TRABD2B: variants seen among roughly 807,000 people sequenced by gnomAD.
TRABD2B encodes the protein TraB domain containing 2B.
A neutral mutation model predicts 40.1 loss-of-function variants in TRABD2B; 14 were observed. The observed-to-expected ratio is 0.35, with a 90% CI of 0.23 to 0.55. The LOEUF (loss-of-function observed/expected upper bound fraction) is 0.55, where lower values mean the gene tolerates loss of function less well. Ranked by LOEUF, TRABD2B falls within the 20% of genes least tolerant of loss-of-function variation. TRABD2B has a pLI of 0.90. For missense variants in TRABD2B, 541 were observed against 648.6 expected (o/e 0.83, Z 1.80); for synonymous variants, 263 against 277.0 (o/e 0.95, Z 0.50).
chr1:47,963,256 C>T (rs982953237), intron 2 of TRABD2B, among the ~76,000 whole-genome samples: 1 of 152,216 alleles, frequency 6.6e-6, no homozygotes, highest in Non-Finnish European at 1.5e-5. Flanking sequence ...ATATTCAAGA[C>T]ATGCATGTTG....
chr1:47,895,350 G>T (rs1469661922), intron 2 of TRABD2B, among the ~76,000 whole-genome samples: 2 of 152,122 alleles, frequency 1.3e-5, no homozygotes, highest in South Asian at 4.1e-4. Context: ...AGCACTGAGC[G>T]AGCTGTGGGT....
At chr1:47,910,677 C>T (rs544504050) in intron 2 of TRABD2B, among the ~76,000 whole-genome samples, 3 of 152,306 alleles carry the variant, frequency 2.0e-5, no homozygotes, top group Admixed American at 1.3e-4. Context: ...GTATGCTGTG[C>T]GTCCTGGGCC....
intron 2 of TRABD2B, among the ~76,000 whole-genome samples, chr1:47,890,088 A>T (rs540188786): frequency 1.6e-4 from 24 of 152,330 alleles, no homozygotes; most frequent in Admixed American, 7.8e-4. Context: ...GTGACAGTCA[A>T]AGCAAGCATG....
intron 2 of TRABD2B, among the ~76,000 whole-genome samples, chr1:47,942,712 T>G (rs1010512692): frequency 6.6e-6 from 1 of 152,244 alleles, no homozygotes; most frequent in Non-Finnish European, 1.5e-5. Context: ...AAACTCTTTA[T>G]GCATATTAAT....
At chr1:47,820,160 G>A (rs1395149034) in intron 2 of TRABD2B, 1 of 152,178 alleles carries the variant, frequency 6.6e-6, no homozygotes, top group African/African-American at 2.4e-5. Context: ...ATGAGGGCAG[G>A]AATGTTTGTT....
chr1:47,831,311 G>A (rs760308177), intron 2 of TRABD2B, among the ~76,000 whole-genome samples: 1 of 152,176 alleles, frequency 6.6e-6, no homozygotes, highest in Non-Finnish European at 1.5e-5. Context: ...ATGCAAGACT[G>A]CATGGAGTTT....
chr1:47,795,586 C>A (rs748983486), intron 3 of TRABD2B: 1 of 941,470 alleles, frequency 1.1e-6, no homozygotes, highest in Non-Finnish European at 1.3e-6. Context: ...TTTTCCGAGT[C>A]CCAGCTTTGT....
intron 2 of TRABD2B, among the ~76,000 whole-genome samples, chr1:47,935,984 A>G (rs1445763997): frequency 6.6e-6 from 1 of 152,206 alleles, no homozygotes; most frequent in East Asian, 1.9e-4. Flanking sequence ...ACTCAAATGT[A>G]AAAATAGAGC....
In TRABD2B at chr1:47,808,442, G is replaced by C. The variant is rs750269303; in HGVS notation, c.667-6823C>G. ...AAAAAATAAAGCAGTAAATTGGATG[G>C]GGAGTGATGAAGGAAGGGGAACCAG... is the stretch of plus-strand genomic sequence containing the variant. On this transcript the variant is annotated intron_variant, in intron 2 of 6. Coordinates refer to ENST00000606738, the MANE Select transcript of TRABD2B (RefSeq NM_001194986.2). Among the ~76,000 whole-genome samples the C allele has an allele frequency of 1.2e-4, 19 of 152,248 alleles. No individual in the cohort carries two copies. In the East Asian group the frequency reaches 1.9e-3, roughly 15 times the overall value.
chr1:47,829,469 G>A (rs903721643), intron 2 of TRABD2B, among the ~76,000 whole-genome samples: 1 of 152,086 alleles, frequency 6.6e-6, no homozygotes. Context: ...CCTCACTGTC[G>A]ATGGCGTGCA....
intron 2 of TRABD2B, among the ~76,000 whole-genome samples, chr1:47,942,238 G>A (rs553159133): frequency 2.0e-5 from 3 of 152,214 alleles, no homozygotes; most frequent in East Asian, 1.9e-4. Context: ...AGGATGTCAC[G>A]TTCTCTACCT....
chr1:47,918,438 G>A (rs961184689), intron 2 of TRABD2B, among the ~76,000 whole-genome samples: 1 of 152,192 alleles, frequency 6.6e-6, no homozygotes, highest in African/African-American at 2.4e-5. Context: ...AAGAGAACAG[G>A]CTCAGAGGGA....
intron 2 of TRABD2B, among the ~76,000 whole-genome samples, chr1:47,874,319 G>A (rs1203799599): frequency 1.5e-5 from 2 of 131,970 alleles, no homozygotes; most frequent in East Asian, 2.3e-4. Flanking sequence ...ACTGCGGACT[G>A]CGGACTGCAG....
intron 2 of TRABD2B, among the ~76,000 whole-genome samples, chr1:47,912,061 T>G (rs994202829): frequency 3.9e-5 from 6 of 152,144 alleles, no homozygotes; most frequent in Admixed American, 2.6e-4. Context: ...CCAAGCCCAA[T>G]TCTTTGCATC....
At chr1:47,856,103 T>C (rs868671678) in intron 2 of TRABD2B, among the ~76,000 whole-genome samples, 12 of 152,328 alleles carry the variant, frequency 7.9e-5, no homozygotes, top group East Asian at 3.9e-4. Context: ...AAGCATGAGA[T>C]TGGACTCAAA....
At chr1:47,869,730 G>A (rs779399286) in intron 2 of TRABD2B, among the ~76,000 whole-genome samples, 10 of 152,204 alleles carry the variant, frequency 6.6e-5, no homozygotes, top group Admixed American at 1.3e-4. Flanking sequence ...GCTCAAAATC[G>A]CATTGCCTTT....
intron 2 of TRABD2B, among the ~76,000 whole-genome samples, chr1:47,881,082 G>A (rs1011398688): frequency 5.9e-5 from 9 of 152,178 alleles, no homozygotes; most frequent in East Asian, 3.9e-4. Context: ...AGACTACACC[G>A]CAGGGCATGG....
chr1:47,932,754 T>G (rs917651838), intron 2 of TRABD2B, among the ~76,000 whole-genome samples: 4 of 152,302 alleles, frequency 2.6e-5, no homozygotes, highest in Middle Eastern at 3.4e-3. Flanking sequence ...GCCCCACTAT[T>G]TAATGGCTGG....
Position 47,765,794 on chromosome 1 carries a change from C to A in TRABD2B, c.*108G>T, listed in dbSNP as rs1644293676. 2.9e-6 allele frequency: 2 copies of A among 701,408 alleles called. No homozygotes were observed. Among genetic ancestry groups the A allele is most frequent in the East Asian group, 5.4e-5 (2 of 37,280 alleles). 43.4% of individuals were successfully genotyped at this position (701,408 alleles called of 1,614,324 possible). A position where few individuals can be genotyped will look rare whatever the true frequency, so the allele number is the denominator to read the frequency against. On this transcript the variant is annotated 3_prime_UTR_variant, in exon 7 of 7. Coordinates refer to ENST00000606738, the MANE Select transcript of TRABD2B (RefSeq NM_001194986.2). ...GAGTGTCTAGCCAATCCCATGTGGACTGCCCTCGACGTGTTGGGCACCCCC... is the reference window on the plus strand; with the variant it reads ...GAGTGTCTAGCCAATCCCATGTGGAATGCCCTCGACGTGTTGGGCACCCCC...
Sources: allele counts gnomAD v4.1 joint callset (sites outside exome capture counted in the v4.1 genomes callset), GRCh38; gene constraint gnomAD v4.1.1; transcripts MANE v1.5; gene names NCBI Gene and HGNC (gene_info 2026-07-23, HGNC 2026-07-21).